Variants in ZNF236 observed in about 807,000 individuals in gnomAD.
The protein encoded by ZNF236 is zinc finger protein 236.
In ZNF236, 50 loss-of-function variants were observed where a neutral mutation model predicts 191.2. The ratio of observed to expected loss-of-function variants is 0.26; its 90% confidence interval spans 0.21 to 0.33. The LOEUF is 0.33. Ranked by LOEUF, ZNF236 falls within the 10% of genes least tolerant of loss-of-function variation. ZNF236 has a pLI of 1.00. For synonymous variants in ZNF236, 907 were observed against 928.8 expected, an observed-to-expected ratio of 0.98 and a Z score of 0.43; for missense variants, 1,754 against 2,374.5, an observed-to-expected ratio of 0.74 and a Z score of 5.43.
intron 28 of ZNF236, among the ~76,000 whole-genome samples, chr18:76,958,877 G>T (rs571684492): frequency 6.6e-6 from 1 of 152,306 alleles, no homozygotes; most frequent in African/African-American, 2.4e-5. Context: ...GAACACAGGC[G>T]GTCACATGGA....
At chr18:76,873,303 C>T (rs1022120230) in intron 5 of ZNF236, among the ~76,000 whole-genome samples, 13 of 152,088 alleles carry the variant, frequency 8.5e-5, no homozygotes, top group African/African-American at 2.4e-4. Context: ...ATAAATATAC[C>T]GACATCATGA....
At chr18:76,963,982 T>A (rs532143485) in intron 30 of ZNF236, among the ~76,000 whole-genome samples, 1 of 152,334 alleles carries the variant, frequency 6.6e-6, no homozygotes, top group Admixed American at 6.5e-5. Flanking sequence ...ATCTTGCTAG[T>A]AGTCTATCAA....
At chr18:76,910,255 T>A in intron 15 of ZNF236, 86 bp downstream of exon 15, 1 of 1,180,630 alleles carries the variant, frequency 8.5e-7, no homozygotes, top group Non-Finnish European at 1.2e-6. Flanking sequence ...TGTTTTCTCT[T>A]AAGGCCCTTC....
chr18:76,842,509 T>C (rs1975539603), intron 1 of ZNF236, among the ~76,000 whole-genome samples: 1 of 151,952 alleles, frequency 6.6e-6, no homozygotes, highest in East Asian at 1.9e-4. Flanking sequence ...CCCAGCACTT[T>C]GGGAGGCCGA....
chr18:76,932,860 G>C (rs1282838861), intron 25 of ZNF236, among the ~76,000 whole-genome samples: 1 of 152,244 alleles, frequency 6.6e-6, no homozygotes, highest in Non-Finnish European at 1.5e-5. Context: ...ACCGAAGGGA[G>C]AAGTTGGATG....
At position 76,907,651 on chromosome 18, in the gene ZNF236, C is replaced by T. The variant is rs1004853763; in HGVS notation, c.2298-669C>T. ...CCGGCTCTTTGTCTTAGATATTCTT[C>T]GTACTAGCCAGCCTGTTAGTCAGAT... On this transcript the variant is annotated intron_variant, in intron 13 of 30. Transcript: ENST00000320610. Among the ~76,000 whole-genome samples, 3 of 151,758 alleles carry T rather than the reference C, an allele frequency of 2.0e-5. No homozygotes were observed. In the East Asian group the frequency reaches 5.8e-4, roughly 29 times the overall value.
At chr18:76,827,147 C>T (rs1188372467) in intron 1 of ZNF236, among the ~76,000 whole-genome samples, 1 of 151,938 alleles carries the variant, frequency 6.6e-6, no homozygotes, top group Admixed American at 6.5e-5. Flanking sequence ...CCTCCCACCT[C>T]GCCCTCCCAA....
chr18:76,934,290 A>G (rs927734149), intron 25 of ZNF236, among the ~76,000 whole-genome samples: 1 of 152,222 alleles, frequency 6.6e-6, no homozygotes, highest in African/African-American at 2.4e-5. Flanking sequence ...GGAGTTGAAG[A>G]CTATTTCAGA....
intron 26 of ZNF236, among the ~76,000 whole-genome samples, chr18:76,946,512 C>T (rs945155536): frequency 6.6e-6 from 1 of 152,242 alleles, no homozygotes; most frequent in African/African-American, 2.4e-5. Context: ...ACACCCCTCA[C>T]CTTAAAGCAC....
At chr18:76,825,298 G>A (rs1431152488) in intron 1 of ZNF236, among the ~76,000 whole-genome samples, 1 of 152,196 alleles carries the variant, frequency 6.6e-6, no homozygotes, top group Non-Finnish European at 1.5e-5. Context: ...GTGGTTCCTG[G>A]ACCCCTGGGG....
At chr18:76,905,717 C>G (rs1977723718) in intron 13 of ZNF236, among the ~76,000 whole-genome samples, 1 of 152,142 alleles carries the variant, frequency 6.6e-6, no homozygotes, top group Non-Finnish European at 1.5e-5. Context: ...AAATGCTGGA[C>G]TGTGTCTAGT....
intron 28 of ZNF236, among the ~76,000 whole-genome samples, chr18:76,956,813 G>A (rs988276527): frequency 1.5e-4 from 23 of 152,138 alleles, no homozygotes; most frequent in African/African-American, 4.8e-4. Context: ...CCAGGGCGCC[G>A]TCTTCCGTGT....
At chr18:76,872,941 G>T (rs1487698405) in intron 5 of ZNF236, among the ~76,000 whole-genome samples, 2 of 151,920 alleles carry the variant, frequency 1.3e-5, no homozygotes, top group Non-Finnish European at 2.9e-5. Context: ...CAGAGTTTTA[G>T]TGAATATTTC....
intron 9 of ZNF236, among the ~76,000 whole-genome samples, chr18:76,889,194 T>C (rs1422613299): frequency 6.6e-6 from 1 of 152,212 alleles, no homozygotes; most frequent in Non-Finnish European, 1.5e-5. Flanking sequence ...TTGGCAAATA[T>C]CTGCCTTCGA....
intron 10 of ZNF236, 143 bp from the exon 11 acceptor site, chr18:76,898,876 T>G (rs774096757): frequency 7.1e-6 from 5 of 706,660 alleles, no homozygotes; most frequent in Non-Finnish European, 1.2e-5. Flanking sequence ...GAAAATAATT[T>G]ACAATATCCA....
chr18:76,963,301 C>T (rs997507537), intron 30 of ZNF236, among the ~76,000 whole-genome samples: 2 of 151,270 alleles, frequency 1.3e-5, no homozygotes, highest in African/African-American at 4.9e-5. Flanking sequence ...TGGATTTTGT[C>T]TGATGTTTTT....
intron 3 of ZNF236, among the ~76,000 whole-genome samples, chr18:76,857,567 G>C (rs1422397825): frequency 1.3e-5 from 2 of 152,126 alleles, no homozygotes; most frequent in African/African-American, 2.4e-5. Flanking sequence ...AGAGTAGAAG[G>C]CTCGGGGTTT....
chr18:76,897,809 G>C (rs1408708656), intron 10 of ZNF236, among the ~76,000 whole-genome samples: 2 of 152,230 alleles, frequency 1.3e-5, no homozygotes, highest in Non-Finnish European at 2.9e-5. Flanking sequence ...GCTGAGAAGG[G>C]ATTGAGTCAC....
intron 1 of ZNF236, chr18:76,824,308 A>G: frequency 1.3e-6 from 1 of 781,110 alleles, no homozygotes; most frequent in South Asian, 1.3e-5. Flanking sequence ...CGTGCACATT[A>G]CGGAAACGTT....
Sources: allele counts gnomAD v4.1 joint callset (sites outside exome capture counted in the v4.1 genomes callset), GRCh38; gene constraint gnomAD v4.1.1; transcripts MANE v1.5; gene names NCBI Gene and HGNC (gene_info 2026-07-23, HGNC 2026-07-21).